Variants in MTA3 observed in about 807,000 individuals in gnomAD.
The protein encoded by MTA3 is metastasis-associated protein MTA3.
MTA3 carries 34 observed loss-of-function variants against 83.5 expected under a neutral mutation model. The observed-to-expected ratio is 0.41, with a 90% CI of 0.31 to 0.54. MTA3 has a LOEUF of 0.54. Ranked by LOEUF, MTA3 falls within the 20% of genes least tolerant of loss-of-function variation. The pLI is 0.33. For missense variants in MTA3, 761 were observed against 726.4 expected, an observed-to-expected ratio of 1.05 and a Z score of -0.55; for synonymous variants, 303 against 252.7, an observed-to-expected ratio of 1.20 and a Z score of -1.89.
chr2:42,755,931 G>A lies in MTA3; in HGVS notation c.*2532G>A. 1.0e-6 allele frequency: 1 copy of A among 985,538 alleles called. No homozygotes were observed. Among genetic ancestry groups the A allele is most frequent in the Non-Finnish European group, 1.2e-6 (1 of 830,014 alleles). The allele number at this position is 985,538 out of a possible 1,614,324, so 61.0% of individuals were successfully genotyped here. A position where few individuals can be genotyped will look rare whatever the true frequency, so the allele number is the denominator to read the frequency against. Reference sequence around the variant, plus strand: ...TTCTTAAAGGTGCGCAAGAGAGGAGGGCCGACTGGAGGGTGTCGCCGGAAG... The same window carrying A: ...TTCTTAAAGGTGCGCAAGAGAGGAGAGCCGACTGGAGGGTGTCGCCGGAAG... On this transcript the variant is annotated 3_prime_UTR_variant, in exon 17 of 17. Coordinates refer to ENST00000405094, the MANE Select transcript of MTA3 (RefSeq NM_001330442.2).
intron 6 of MTA3, among the ~76,000 whole-genome samples, chr2:42,653,262 CA>C (rs1279750859): frequency 5.3e-5 from 8 of 151,898 alleles, no homozygotes; most frequent in Admixed American, 5.2e-4. Flanking sequence ...GGCACTTGAG[CA>C]GATTGGAATT....
chr2:42,651,445 G>A (rs1688707547), intron 6 of MTA3, among the ~76,000 whole-genome samples: 1 of 152,114 alleles, frequency 6.6e-6, no homozygotes, highest in Non-Finnish European at 1.5e-5. Flanking sequence ...ACTCAAAGAA[G>A]AGCCAGATGA....
intron 2 of MTA3, among the ~76,000 whole-genome samples, chr2:42,508,531 C>G (rs902129000): frequency 1.3e-5 from 2 of 151,794 alleles, no homozygotes; most frequent in African/African-American, 4.8e-5. Flanking sequence ...TGGGGTCTCA[C>G]TATGTTACCC....
At position 42,659,757 on chromosome 2, in the gene MTA3, A is replaced by T. The variant is rs374348670; in HGVS notation, c.603-6A>T. ...TTCTTCCTTATTGTGTTTGTGGTTT[A>T]TTCAGTGCTGTTGGGACATTCGCCA... is the stretch of plus-strand genomic sequence containing the variant. On this transcript the variant is annotated splice_region_variant and splice_polypyrimidine_tract_variant and intron_variant, in intron 7 of 16. Coordinates refer to ENST00000405094, the MANE Select transcript of MTA3 (RefSeq NM_001330442.2). 7 of 1,570,596 alleles carry T rather than the reference A, an allele frequency of 4.5e-6. No individual in the cohort carries two copies. In the South Asian group the frequency reaches 8.3e-5, roughly 19 times the overall value.
chr2:42,756,725 G>C lies in MTA3; in HGVS notation c.*3326G>C. The C allele has an allele frequency of 1.0e-6, 1 of 985,436 alleles. No individual in the cohort carries two copies. The highest frequency in any genetic ancestry group is 1.2e-6 in the Non-Finnish European group (1 of 829,962). The allele number at this position is 985,436 out of a possible 1,614,324, so 61.0% of individuals were successfully genotyped here. ...CCCTCCTCACCATTCCCCCCAGGAA[G>C]GCCATGTCCCAGTTTTCTGTCCACC... is the stretch of plus-strand genomic sequence containing the variant. On this transcript the variant is annotated 3_prime_UTR_variant, in exon 17 of 17. Coordinates refer to ENST00000405094, the MANE Select transcript of MTA3 (RefSeq NM_001330442.2).
intron 9 of MTA3, 131 bp from the exon 10 acceptor site, chr2:42,695,634 C>CAAAAAAAAAAAAAAA (rs70963347): frequency 6.9e-5 from 9 of 130,790 alleles, no homozygotes; most frequent in African/African-American, 6.2e-4. Context: ...CAGTCTATCT[C>CAAAAAAAAAAAAAAA]AAAAAAAAAA....
chr2:42,729,322 C>T (rs1004687176), intron 16 of MTA3, among the ~76,000 whole-genome samples: 2 of 151,804 alleles, frequency 1.3e-5, no homozygotes, highest in African/African-American at 2.4e-5. Context: ...AGGATGATCT[C>T]GATCCCCTGA....
At chr2:42,610,577 T>G (rs1684067860) in intron 4 of MTA3, among the ~76,000 whole-genome samples, 1 of 152,210 alleles carries the variant, frequency 6.6e-6, no homozygotes, top group South Asian at 2.1e-4. Context: ...AAACGGTGGT[T>G]TTCTATGATC....
intron 14 of MTA3, among the ~76,000 whole-genome samples, chr2:42,712,169 AC>A (rs769825967): frequency 3.3e-5 from 5 of 152,198 alleles, no homozygotes; most frequent in Admixed American, 6.5e-5. Flanking sequence ...AATAGTAAAA[AC>A]AAAAAAGGTC....
chr2:42,667,409 A>G (rs184711146), intron 8 of MTA3, among the ~76,000 whole-genome samples: 2 of 151,832 alleles, frequency 1.3e-5, no homozygotes, highest in Non-Finnish European at 2.9e-5. Context: ...CTAACTCTCC[A>G]TCCCCTCTGC....
chr2:42,553,703 C>A (rs1677234749), intron 2 of MTA3, among the ~76,000 whole-genome samples: 1 of 151,224 alleles, frequency 6.6e-6, no homozygotes, highest in Non-Finnish European at 1.5e-5. Context: ...CCATTGCCCT[C>A]CAGCCTGGGC....
intron 8 of MTA3, among the ~76,000 whole-genome samples, chr2:42,672,329 G>C (rs1690872392): frequency 6.8e-6 from 1 of 148,022 alleles, no homozygotes; most frequent in African/African-American, 2.5e-5. Context: ...AACATAGTAA[G>C]TCCTCCTCTC....
intron 2 of MTA3, among the ~76,000 whole-genome samples, chr2:42,539,851 G>A (rs938756326): frequency 1.8e-4 from 27 of 152,114 alleles, no homozygotes; most frequent in Middle Eastern, 3.4e-3. Context: ...AGGGTTATAG[G>A]CATGAGCCAC....
intron 4 of MTA3, among the ~76,000 whole-genome samples, chr2:42,623,701 T>TC (rs1298808359): frequency 6.6e-6 from 1 of 150,690 alleles, no homozygotes; most frequent in African/African-American, 2.4e-5. Context: ...GTTCAGATTT[T>TC]TTTTTTTTTT....
chr2:42,724,649 C>T (rs1392695675), intron 16 of MTA3, among the ~76,000 whole-genome samples: 1 of 152,042 alleles, frequency 6.6e-6, no homozygotes, highest in Non-Finnish European at 1.5e-5. Context: ...CACACACACA[C>T]ACACACACGA....
At chr2:42,495,980 G>C (rs1184625012) in intron 2 of MTA3, among the ~76,000 whole-genome samples, 1 of 152,168 alleles carries the variant, frequency 6.6e-6, no homozygotes. Context: ...AGCCTGGCTT[G>C]ATACCAAGAG....
chr2:42,594,662 A>G (rs1303775927), intron 3 of MTA3, among the ~76,000 whole-genome samples: 1 of 138,944 alleles, frequency 7.2e-6, no homozygotes, highest in Non-Finnish European at 1.5e-5. Flanking sequence ...AAATATATAT[A>G]TACACACATA....
chr2:42,635,361 C>G (rs1687082258), intron 4 of MTA3, among the ~76,000 whole-genome samples: 1 of 152,166 alleles, frequency 6.6e-6, no homozygotes, highest in African/African-American at 2.4e-5. Context: ...GGCAAAGTGG[C>G]TCATGTCTGT....
At chr2:42,512,922 C>T (rs573480062) in intron 2 of MTA3, among the ~76,000 whole-genome samples, 2 of 152,266 alleles carry the variant, frequency 1.3e-5, no homozygotes, top group African/African-American at 4.8e-5. Flanking sequence ...TCTGAGACAT[C>T]CTCTACTTAC....
Sources: allele counts gnomAD v4.1 joint callset (sites outside exome capture counted in the v4.1 genomes callset), GRCh38; gene constraint gnomAD v4.1.1; transcripts MANE v1.5; gene names NCBI Gene and HGNC (gene_info 2026-07-23, HGNC 2026-07-21).